The following ROBO2 variants were observed in gnomAD, a reference collection of about 807,000 sequenced individuals.
ROBO2 encodes roundabout homolog 2.
In ROBO2, 53 loss-of-function variants were observed where a neutral mutation model predicts 160.8. The observed-to-expected ratio is 0.33, with a 90% CI of 0.26 to 0.41. ROBO2 has a LOEUF of 0.41. ROBO2 is among the 10% of genes least tolerant of loss of function. ROBO2 has a pLI of 1.00. For missense variants in ROBO2, 1,577 were observed against 1,722.4 expected, an observed-to-expected ratio of 0.92 and a Z score of 1.49; for synonymous variants, 664 against 611.7, an observed-to-expected ratio of 1.09 and a Z score of -1.26.
chr3:77,131,553 C>A (rs2075855424), intron 2 of ROBO2, among the ~76,000 whole-genome samples: 1 of 152,008 alleles, frequency 6.6e-6, no homozygotes, highest in African/African-American at 2.4e-5. Flanking sequence ...GATTGGAGAT[C>A]CTTAGGAGAT....
intron 24 of ROBO2, among the ~76,000 whole-genome samples, chr3:77,641,943 A>G (rs1414481165): frequency 1.3e-5 from 2 of 152,164 alleles, no homozygotes; most frequent in African/African-American, 4.8e-5. Flanking sequence ...CTTCTACTCT[A>G]TCTCAAATTT....
At chr3:77,145,520 T>C (rs151019332) in intron 2 of ROBO2, among the ~76,000 whole-genome samples, 11 of 152,302 alleles carry the variant, frequency 7.2e-5, no homozygotes, top group Non-Finnish European at 1.5e-4. Flanking sequence ...AAATGTTAAC[T>C]AGGCTAGGTT....
At chr3:76,358,594 A>G (rs1362633448) in intron 2 of ROBO2, among the ~76,000 whole-genome samples, 1 of 152,048 alleles carries the variant, frequency 6.6e-6, no homozygotes, top group Non-Finnish European at 1.5e-5. Context: ...AGTAAGTTAC[A>G]TAGCTTTTCT....
chr3:77,582,495 C>G (rs1473201583), intron 16 of ROBO2, among the ~76,000 whole-genome samples: 1 of 152,112 alleles, frequency 6.6e-6, no homozygotes, highest in African/African-American at 2.4e-5. Flanking sequence ...TACTATCTTG[C>G]TATTTGTTTG....
At chr3:76,693,963 T>C (rs761232938) in intron 2 of ROBO2, among the ~76,000 whole-genome samples, 31 of 152,262 alleles carry the variant, frequency 2.0e-4, no homozygotes, top group Non-Finnish European at 4.0e-4. Context: ...AAATAATGCT[T>C]TACCAGCCAT....
At chr3:76,469,415 T>C (rs535469359) in intron 2 of ROBO2, among the ~76,000 whole-genome samples, 1 of 152,192 alleles carries the variant, frequency 6.6e-6, no homozygotes, top group African/African-American at 2.4e-5. Flanking sequence ...TGAGAAAAAT[T>C]GGTATCAAAC....
intron 2 of ROBO2, among the ~76,000 whole-genome samples, chr3:77,176,694 T>G (rs1403502769): frequency 6.6e-6 from 1 of 151,974 alleles, no homozygotes; most frequent in Non-Finnish European, 1.5e-5. Context: ...TATTTTAGAT[T>G]AGTGAAATCC....
intron 2 of ROBO2, among the ~76,000 whole-genome samples, chr3:76,378,842 T>C (rs1274901189): frequency 6.6e-6 from 1 of 152,140 alleles, no homozygotes; most frequent in Non-Finnish European, 1.5e-5. Flanking sequence ...CTTGACACGT[T>C]TAGGAACCCT....
At chr3:77,119,983 C>T (rs1286831280) in intron 2 of ROBO2, among the ~76,000 whole-genome samples, 2 of 152,180 alleles carry the variant, frequency 1.3e-5, no homozygotes, top group Admixed American at 6.5e-5. Context: ...GCATTTGAAT[C>T]AGTAATTTTG....
At chr3:77,360,305 C>T (rs993792419) in intron 2 of ROBO2, among the ~76,000 whole-genome samples, 3 of 146,196 alleles carry the variant, frequency 2.1e-5, no homozygotes, top group Non-Finnish European at 4.5e-5. Context: ...CCATAAGTAG[C>T]AATGAATTTG....
At chr3:76,319,856 G>T (rs1322618562) in intron 2 of ROBO2, among the ~76,000 whole-genome samples, 1 of 151,478 alleles carries the variant, frequency 6.6e-6, no homozygotes, top group Non-Finnish European at 1.5e-5. Context: ...TTATAATTTA[G>T]CTTAACGTAG....
intron 2 of ROBO2, among the ~76,000 whole-genome samples, chr3:76,752,313 A>G (rs990119245): frequency 2.0e-5 from 3 of 151,948 alleles, no homozygotes; most frequent in East Asian, 1.9e-4. Flanking sequence ...GGGGAGGGAT[A>G]GCATTAGGAG....
In ROBO2 at chr3:77,614,735, AAC is replaced by A. The variant is rs1559731326; in HGVS notation, c.3294-2777_3294-2776del. Among the ~76,000 whole-genome samples, 684 of 150,726 alleles carry A rather than the reference AAC, an allele frequency of 4.5e-3. 3 individuals are homozygous for A. Among genetic ancestry groups the A allele is most frequent in the African/African-American group, 0.016 (654 of 41,358 alleles). On this transcript the variant is annotated intron_variant, in intron 21 of 25. Coordinates refer to ENST00000461745, the Ensembl canonical transcript of ROBO2. The stretch of plus-strand genomic sequence containing the variant: ...TATTCCCCCAAAAAACCAACCAACC[AAC>A]CAACCAACCAACCAACCAAACAAAC...
rs555159347 is a variant in ROBO2 at position 76,250,393 on chromosome 3, A to C, written c.109+312791A>C. On this transcript the variant is annotated intron_variant, in intron 2 of 26. Coordinates refer to the ROBO2 transcript ENST00000487694. ...TACTGAAATCAGATCTGTATCAACGACATTCCTTTTCATTAGAGAGCAAAA... is the reference window on the plus strand; with the variant it reads ...TACTGAAATCAGATCTGTATCAACGCCATTCCTTTTCATTAGAGAGCAAAA... Among the ~76,000 whole-genome samples the C allele has an allele frequency of 2.4e-4, 37 of 152,202 alleles. 2 individuals are homozygous for C. The South Asian group carries it at 7.7e-3, about 32-fold the overall frequency.
intron 2 of ROBO2, among the ~76,000 whole-genome samples, chr3:76,073,444 C>A (rs981112092): frequency 6.6e-6 from 1 of 150,988 alleles, no homozygotes; most frequent in Non-Finnish European, 1.5e-5. Flanking sequence ...AGGCGCCGCC[C>A]CCACGCCCGG....
intron 2 of ROBO2, among the ~76,000 whole-genome samples, chr3:76,657,936 C>T (rs2110009723): frequency 6.7e-6 from 1 of 149,022 alleles, no homozygotes; most frequent in East Asian, 2.0e-4. Context: ...GGCATGGTGG[C>T]ACGCACCTCA....
At chr3:76,846,125 A>C (rs1303848377) in intron 2 of ROBO2, among the ~76,000 whole-genome samples, 1 of 152,100 alleles carries the variant, frequency 6.6e-6, no homozygotes, top group Admixed American at 6.6e-5. Flanking sequence ...CAGAACCCAA[A>C]CCTTTATGAA....
chr3:77,533,529 T>G (rs914617104), intron 6 of ROBO2, among the ~76,000 whole-genome samples: 1 of 152,274 alleles, frequency 6.6e-6, no homozygotes, highest in Admixed American at 6.5e-5. Context: ...TGGTTCCTTG[T>G]GGTTGTAGGA....
intron 2 of ROBO2, among the ~76,000 whole-genome samples, chr3:76,350,784 A>G (rs918420758): frequency 6.6e-6 from 1 of 151,936 alleles, no homozygotes; most frequent in Non-Finnish European, 1.5e-5. Context: ...AACAAGTAGA[A>G]ACACTAAATA....
Sources: allele counts gnomAD v4.1 joint callset (sites outside exome capture counted in the v4.1 genomes callset), GRCh38; gene constraint gnomAD v4.1.1; transcripts MANE v1.5; gene names NCBI Gene and HGNC (gene_info 2026-07-23, HGNC 2026-07-21).